Variants in GBE1 observed in about 807,000 individuals in gnomAD.
The protein encoded by GBE1 is 1,4-alpha-glucan-branching enzyme.
A neutral mutation model predicts 88.8 loss-of-function variants in GBE1; 70 were observed. That is an observed-to-expected ratio of 0.79 (90% CI 0.65 to 0.96). The LOEUF is 0.96. GBE1 is among the 40% of genes least tolerant of loss of function. The pLI is 0.00. For synonymous variants in GBE1, 284 were observed against 300.1 expected, an observed-to-expected ratio of 0.95 and a Z score of 0.56; for missense variants, 872 against 871.0, an observed-to-expected ratio of 1.00 and a Z score of -0.01.
At chr3:81,704,121 T>C (rs1376053069) in intron 2 of GBE1, among the ~76,000 whole-genome samples, 1 of 151,944 alleles carries the variant, frequency 6.6e-6, no homozygotes, top group Non-Finnish European at 1.5e-5. Context: ...AAAATTTACA[T>C]TGATTAAATA....
intron 3 of GBE1, among the ~76,000 whole-genome samples, chr3:81,669,194 T>C (rs1447953536): frequency 1.3e-5 from 2 of 152,164 alleles, no homozygotes; most frequent in Non-Finnish European, 2.9e-5. Context: ...ATTCAGAGAT[T>C]TCACAGCTGC....
chr3:81,592,397 G>A (rs1173706838), intron 8 of GBE1, among the ~76,000 whole-genome samples: 2 of 147,728 alleles, frequency 1.4e-5, no homozygotes, highest in East Asian at 4.4e-4. Context: ...AATACTATGA[G>A]TCCAACCATT....
chr3:81,655,691 A>AT (rs1156542926), intron 3 of GBE1, among the ~76,000 whole-genome samples: 2 of 150,182 alleles, frequency 1.3e-5, no homozygotes, highest in African/African-American at 2.5e-5. Flanking sequence ...TACTTTCTGT[A>AT]TTTTTTTTAG....
At chr3:81,514,846 G>A (rs28415702) in intron 14 of GBE1, among the ~76,000 whole-genome samples, 9,093 of 151,562 alleles carry the variant, frequency 0.06, 445 homozygotes, top group African/African-American at 0.12. Flanking sequence ...TCTCACGTAG[G>A]CAGGCAGGAG....
intron 14 of GBE1, among the ~76,000 whole-genome samples, chr3:81,502,383 C>T (rs1188749206): frequency 1.3e-5 from 2 of 152,132 alleles, no homozygotes; most frequent in African/African-American, 4.8e-5. Flanking sequence ...AGTTTCAAAA[C>T]ATCAATTTAG....
At chr3:81,704,405 A>G (rs1431579679) in intron 2 of GBE1, among the ~76,000 whole-genome samples, 3 of 152,040 alleles carry the variant, frequency 2.0e-5, no homozygotes, top group Non-Finnish European at 4.4e-5. Flanking sequence ...ATAAATTCAT[A>G]CAATCAGGTA....
At chr3:81,592,816 C>T (rs1011717986) in intron 8 of GBE1, among the ~76,000 whole-genome samples, 1 of 152,016 alleles carries the variant, frequency 6.6e-6, no homozygotes, top group Non-Finnish European at 1.5e-5. Flanking sequence ...TTTGCCTTTG[C>T]ATACCGTAAG....
chr3:81,667,398 C>A (rs192849541), intron 3 of GBE1, among the ~76,000 whole-genome samples: 6 of 152,284 alleles, frequency 3.9e-5, no homozygotes, highest in Admixed American at 2.6e-4. Flanking sequence ...CAAACAGAGA[C>A]AATTTGACTT....
chr3:81,739,014 C>A (rs568538859), intron 1 of GBE1, among the ~76,000 whole-genome samples: 1 of 152,002 alleles, frequency 6.6e-6, no homozygotes, highest in Non-Finnish European at 1.5e-5. Flanking sequence ...ATAGTTGGTG[C>A]CTTGTTGTTG....
intron 14 of GBE1, among the ~76,000 whole-genome samples, chr3:81,514,427 T>C (rs1045928845): frequency 4.0e-5 from 6 of 151,620 alleles, no homozygotes; most frequent in African/African-American, 1.5e-4. Flanking sequence ...ACCACATAAC[T>C]ACAAAAAATA....
At chr3:81,729,347 G>A (rs1471538049) in intron 1 of GBE1, among the ~76,000 whole-genome samples, 1 of 152,146 alleles carries the variant, frequency 6.6e-6, no homozygotes, top group Non-Finnish European at 1.5e-5. Context: ...GAAAATGCAT[G>A]AGCCTGTAGA....
At chr3:81,711,084 A>T (rs935310278) in intron 1 of GBE1, among the ~76,000 whole-genome samples, 4 of 152,182 alleles carry the variant, frequency 2.6e-5, no homozygotes, top group African/African-American at 9.7e-5. Context: ...TTCATCCCAG[A>T]TCAGTACTGA....
At chr3:81,594,683 TA>T (rs546592047) in intron 7 of GBE1, among the ~76,000 whole-genome samples, 16 of 151,938 alleles carry the variant, frequency 1.1e-4, no homozygotes, top group Non-Finnish European at 2.2e-4. Flanking sequence ...ACATGTGTAA[TA>T]AAGTACAAAG....
intron 12 of GBE1, among the ~76,000 whole-genome samples, chr3:81,555,200 A>C (rs973885139): frequency 1.3e-5 from 2 of 152,228 alleles, no homozygotes; most frequent in African/African-American, 4.8e-5. Flanking sequence ...TAAAGTTATG[A>C]ATTGGGCTAT....
chr3:81,583,020 A>C (rs1023190524), intron 10 of GBE1, among the ~76,000 whole-genome samples: 2 of 152,064 alleles, frequency 1.3e-5, no homozygotes, highest in Non-Finnish European at 2.9e-5. Context: ...AAGAACCCTC[A>C]AAACTCCACA....
chr3:81,748,921 C>T (rs1166027495), intron 1 of GBE1, among the ~76,000 whole-genome samples: 4 of 148,122 alleles, frequency 2.7e-5, no homozygotes, highest in Non-Finnish European at 5.9e-5. Context: ...GCAGGAGAAT[C>T]GCTTGAACCA....
intron 3 of GBE1, among the ~76,000 whole-genome samples, chr3:81,654,209 T>G (rs1321625961): frequency 1.3e-5 from 2 of 152,194 alleles, no homozygotes; most frequent in Non-Finnish European, 2.9e-5. Flanking sequence ...AACTTCTAAC[T>G]GTGTAAAAGT....
intron 12 of GBE1, among the ~76,000 whole-genome samples, chr3:81,539,002 A>G (rs1343281561): frequency 2.0e-5 from 3 of 152,018 alleles, no homozygotes; most frequent in Non-Finnish European, 4.4e-5. Flanking sequence ...CACATGCTTA[A>G]TTTCTGTTTA....
chr3:81,626,067 G>A (rs923182727), intron 7 of GBE1, among the ~76,000 whole-genome samples: 9 of 152,082 alleles, frequency 5.9e-5, no homozygotes, highest in South Asian at 2.1e-4. Flanking sequence ...GTTTAGGGGC[G>A]GTAAGATTTC....
Sources: allele counts gnomAD v4.1 joint callset (sites outside exome capture counted in the v4.1 genomes callset), GRCh38; gene constraint gnomAD v4.1.1; transcripts MANE v1.5; gene names NCBI Gene and HGNC (gene_info 2026-07-23, HGNC 2026-07-21).